Variants in BACH1 observed in about 807,000 individuals in gnomAD.
BACH1 encodes the protein transcription regulator protein BACH1.
In BACH1, 35 loss-of-function variants were observed where a neutral mutation model predicts 52.9. The ratio of observed to expected loss-of-function variants is 0.66; its 90% CI spans 0.51 to 0.88. The LOEUF (loss-of-function observed/expected upper bound fraction) is 0.88. Ranked by LOEUF, BACH1 falls within the 40% of genes least tolerant of loss-of-function variation. The pLI, the probability that BACH1 is intolerant of heterozygous loss-of-function variation, is 0.00. For synonymous variants in BACH1, 321 were observed against 319.6 expected, an observed-to-expected ratio of 1.00 and a Z score of -0.05; for missense variants, 808 against 872.6, an observed-to-expected ratio of 0.93 and a Z score of 0.93.
chr21:29,319,706 A>G (rs921780817), intron 1 of BACH1, among the ~76,000 whole-genome samples: 1 of 147,032 alleles, frequency 6.8e-6, no homozygotes, highest in Non-Finnish European at 1.5e-5. Context: ...ATACCAGGAA[A>G]GAATAAGGAG....
chr21:29,307,177 A>G lies in BACH1; in HGVS notation c.-61+8224A>G, dbSNP rs114628503. On this transcript the variant is annotated intron_variant, in intron 1 of 4. Transcript: ENST00000286800. The stretch of plus-strand genomic sequence containing the variant: ...TCTTTAGAATGCAAATTCTTGAATC[A>G]GGAGTACAAACAGGAACATCTTCCC... 3.9e-3 allele frequency among the ~76,000 whole-genome samples: 596 copies of G among 152,346 alleles called. 1 individual carries two copies. Among genetic ancestry groups the G allele is most frequent in the African/African-American group, 0.014 (562 of 41,566 alleles).
At chr21:29,325,184 C>T (rs913067584) in intron 2 of BACH1, among the ~76,000 whole-genome samples, 14 of 151,920 alleles carry the variant, frequency 9.2e-5, no homozygotes, top group Non-Finnish European at 1.9e-4. Context: ...GAGCCGAGAT[C>T]GCGCCACTGC....
chr21:29,329,503 A>G lies in BACH1; in HGVS notation c.1586A>G (p.Asn529Ser), dbSNP rs560686538. Residue 529 changes from asparagine (N) to serine (S), a missense_variant, in exon 4 of 5, where the codon AAT (asparagine) becomes AGT (serine). Coordinates refer to ENST00000286800, the MANE Select transcript of BACH1 (RefSeq NM_001186.4). ...ATATTCTAGGTAAAACTGCCATTCAATGCACAACGGATAATTTCACTGTCT... is the reference window on the plus strand; with the variant it reads ...ATATTCTAGGTAAAACTGCCATTCAGTGCACAACGGATAATTTCACTGTCT... ...EQECEVKLPF[N>S]AQRIISLSRN... The G allele has an allele frequency of 1.3e-5, 21 of 1,581,238 alleles. No homozygotes were observed. Among genetic ancestry groups the G allele is most frequent in the African/African-American group, 4.1e-5 (3 of 73,526 alleles).
intron 3 of BACH1, 123 bp from the exon 4 acceptor site, chr21:29,329,364 C>G (rs2088954464): frequency 1.4e-6 from 1 of 731,812 alleles, no homozygotes; most frequent in Non-Finnish European, 2.1e-6. Flanking sequence ...GGGATAGAGG[C>G]CTATGTTTTC....
intron 1 of BACH1, among the ~76,000 whole-genome samples, chr21:29,319,907 C>T (rs996850066): frequency 6.6e-6 from 1 of 151,930 alleles, no homozygotes; most frequent in African/African-American, 2.4e-5. Flanking sequence ...ATTCTTAACA[C>T]TAATTTCTTG....
chr21:29,323,690 T>G (rs1445908731), intron 2 of BACH1, among the ~76,000 whole-genome samples: 1 of 152,168 alleles, frequency 6.6e-6, no homozygotes, highest in African/African-American at 2.4e-5. Flanking sequence ...CAGCCTTCAA[T>G]CCAATCAAGT....
intron 4 of BACH1, among the ~76,000 whole-genome samples, chr21:29,340,558 C>G (rs2089099713): frequency 6.6e-6 from 1 of 152,156 alleles, no homozygotes; most frequent in South Asian, 2.1e-4. Context: ...GGAGGAAGCT[C>G]AAGTACTCCT....
At chr21:29,341,257 A>G (rs2089109558) in intron 4 of BACH1, among the ~76,000 whole-genome samples, 1 of 152,222 alleles carries the variant, frequency 6.6e-6, no homozygotes, top group Non-Finnish European at 1.5e-5. Flanking sequence ...TAGCACTATG[A>G]ACTAACTTGT....
chr21:29,302,957 G>A (rs2088619597), intron 1 of BACH1, among the ~76,000 whole-genome samples: 2 of 152,176 alleles, frequency 1.3e-5, no homozygotes, highest in South Asian at 4.1e-4. Context: ...AATTGAAACT[G>A]GCTTTTACGA....
chr21:29,308,423 T>C (rs1454408922), intron 1 of BACH1, among the ~76,000 whole-genome samples: 1 of 152,218 alleles, frequency 6.6e-6, no homozygotes, highest in African/African-American at 2.4e-5. Context: ...ATTCATATGA[T>C]ATACTGATTG....
chr21:29,303,222 A>G (rs1307845140), intron 1 of BACH1, among the ~76,000 whole-genome samples: 1 of 152,256 alleles, frequency 6.6e-6, no homozygotes, highest in Admixed American at 6.5e-5. Flanking sequence ...AAAATTATCC[A>G]TGAAATGGAT....
Position 29,341,265 on chromosome 21 carries a change from T to G in BACH1, c.1777-1134T>G, listed in dbSNP as rs78255504. 8.6e-3 allele frequency among the ~76,000 whole-genome samples: 1,305 copies of G among 152,322 alleles called. 13 individuals carry two copies. Among genetic ancestry groups the G allele is most frequent in the African/African-American group, 0.03 (1,263 of 41,580 alleles). Reference sequence around the variant, plus strand: ...TATAGATTAGCACTATGAACTAACTTGTCTCAAGGTTAACTGGCAGCCTCA... The same window carrying G: ...TATAGATTAGCACTATGAACTAACTGGTCTCAAGGTTAACTGGCAGCCTCA... On this transcript the variant is annotated intron_variant, in intron 4 of 4. Transcript: ENST00000286800.
chr21:29,333,495 A>G (rs954975091), intron 4 of BACH1, among the ~76,000 whole-genome samples: 1 of 152,248 alleles, frequency 6.6e-6, no homozygotes, highest in Non-Finnish European at 1.5e-5. Context: ...CTTGTTTAAT[A>G]ATTAAACAGC....
At chr21:29,314,607 T>TA (rs1443672170) in intron 1 of BACH1, among the ~76,000 whole-genome samples, 3 of 152,162 alleles carry the variant, frequency 2.0e-5, no homozygotes, top group African/African-American at 7.2e-5. Flanking sequence ...ACCCCATTTT[T>TA]AAAAAAGCGG....
intron 2 of BACH1, among the ~76,000 whole-genome samples, chr21:29,358,800 AAGAAAGAAAG>A: frequency 7.3e-6 from 1 of 137,582 alleles, no homozygotes; most frequent in South Asian, 2.4e-4. Flanking sequence ...GAAAGAAAGA[AAGAAAGAAAG>A]AAAGAAGAAA....
chr21:29,345,254 CT>C lies in BACH1; in HGVS notation c.*2423del, dbSNP rs1601371638. On this transcript the variant is annotated 3_prime_UTR_variant, in exon 5 of 5. Coordinates refer to ENST00000286800, the MANE Select transcript of BACH1 (RefSeq NM_001186.4). ...ACATTTATGCCTATTTTAACATTAA[CT>C]TCTAAAGAAGTTTTTTCTAAGAAAA... 1 of 152,518 alleles carries C rather than the reference CT, an allele frequency of 6.6e-6. No homozygotes were observed. Among genetic ancestry groups the C allele is most frequent in the Non-Finnish European group, 1.5e-5 (1 of 68,004 alleles). The allele number at this position is 152,518 out of a possible 1,614,324, so 9.4% of individuals were successfully genotyped here. A position where few individuals can be genotyped will look rare whatever the true frequency, so the allele number is the denominator to read the frequency against.
At chr21:29,349,811 A>G (rs1332980574), downstream of BACH1, among the ~76,000 whole-genome samples, 1 of 149,830 alleles carries the variant, frequency 6.7e-6, no homozygotes, top group Non-Finnish European at 1.5e-5. Context: ...CTTGATTTCA[A>G]AACAGGTGGT....
intron 4 of BACH1, among the ~76,000 whole-genome samples, chr21:29,336,603 T>C (rs921971959): frequency 1.3e-5 from 2 of 152,164 alleles, no homozygotes; most frequent in Non-Finnish European, 2.9e-5. Flanking sequence ...TTTCATTCTA[T>C]TTACATTATT....
intron 1 of BACH1, among the ~76,000 whole-genome samples, chr21:29,309,767 G>A (rs958513618): frequency 1.4e-4 from 21 of 152,182 alleles, no homozygotes; most frequent in East Asian, 5.8e-4. Flanking sequence ...TCAGTAGAGC[G>A]TTAATCTGAT....
Sources: gnomAD v4.1 joint callset for allele counts (sites outside exome capture counted in the v4.1 genomes callset) on GRCh38, gnomAD v4.1.1 for gene constraint, MANE v1.5 for transcripts, NCBI Gene and HGNC (gene_info 2026-07-23, HGNC 2026-07-21) for gene names.